Variants in UBAC2 observed in about 807,000 individuals in gnomAD.
The protein encoded by UBAC2 is ubiquitin-associated domain-containing protein 2.
In UBAC2, 26 loss-of-function variants were observed where a neutral mutation model predicts 44.0. That is an observed-to-expected ratio of 0.59 (90% CI 0.43 to 0.82). The LOEUF (loss-of-function observed/expected upper bound fraction) is 0.82. Ranked by LOEUF, UBAC2 falls within the 40% of genes least tolerant of loss-of-function variation. UBAC2 has a pLI of 0.00. For synonymous variants in UBAC2, 155 were observed against 154.3 expected (o/e 1.00, Z -0.04); for missense variants, 329 against 419.4 (o/e 0.78, Z 1.88).
At chr13:99,365,649 G>C (rs1224107840) in intron 7 of UBAC2, among the ~76,000 whole-genome samples, 2 of 151,650 alleles carry the variant, frequency 1.3e-5, no homozygotes, top group African/African-American at 2.4e-5. Context: ...TTATGATTTG[G>C]TATTTGTGAA....
chr13:99,383,117 A>G (rs1289928202), intron 8 of UBAC2, among the ~76,000 whole-genome samples: 1 of 152,232 alleles, frequency 6.6e-6, no homozygotes, highest in Non-Finnish European at 1.5e-5. Flanking sequence ...GCACTCAGCC[A>G]CAGCTGATGT....
intron 4 of UBAC2, among the ~76,000 whole-genome samples, chr13:99,294,105 T>A (rs1033725901): frequency 6.6e-6 from 1 of 152,152 alleles, no homozygotes; most frequent in Non-Finnish European, 1.5e-5. Context: ...AAGTTTGCAT[T>A]TTACTCGGAT....
At chr13:99,259,216 C>T (rs2043620038) in intron 4 of UBAC2, among the ~76,000 whole-genome samples, 1 of 152,030 alleles carries the variant, frequency 6.6e-6, no homozygotes, top group Admixed American at 6.6e-5. Context: ...AAAAAATTAT[C>T]TCTCATTTGC....
chr13:99,260,550 T>G lies in UBAC2; in HGVS notation c.389+15926T>G, dbSNP rs893748177. 4.6e-5 allele frequency among the ~76,000 whole-genome samples: 7 copies of G among 152,200 alleles called. No homozygotes were observed. In the South Asian group the frequency reaches 1.4e-3, roughly 31 times the overall value. On this transcript the variant is annotated intron_variant, in intron 4 of 8. Coordinates refer to ENST00000403766, the MANE Select transcript of UBAC2 (RefSeq NM_001144072.2). ...CTGCAACCCATGAGCCCTATAGCAT[T>G]GACCCCCGTTCGCTGTGCTCCTGGA... is the stretch of plus-strand genomic sequence containing the variant.
At chr13:99,339,501 A>G (rs2044851689) in intron 6 of UBAC2, among the ~76,000 whole-genome samples, 1 of 152,230 alleles carries the variant, frequency 6.6e-6, no homozygotes, top group Admixed American at 6.5e-5. Flanking sequence ...GGTGTGTAGC[A>G]CAGTCTCAAA....
chr13:99,255,498 C>G (rs757027038), intron 4 of UBAC2: 1 of 1,614,126 alleles, frequency 6.2e-7, no homozygotes, highest in Non-Finnish European at 8.5e-7. Context: ...CGTACTTCGG[C>G]TGTACAATGG....
intron 7 of UBAC2, among the ~76,000 whole-genome samples, chr13:99,352,997 C>T (rs1468909538): frequency 1.3e-5 from 2 of 152,230 alleles, no homozygotes; most frequent in African/African-American, 4.8e-5. Flanking sequence ...AGCAAGCTGG[C>T]ACGTGGCACC....
At chr13:99,284,747 C>T (rs1446060217) in intron 4 of UBAC2, among the ~76,000 whole-genome samples, 1 of 152,194 alleles carries the variant, frequency 6.6e-6, no homozygotes, top group Admixed American at 6.5e-5. Context: ...CGGACTGTTC[C>T]TCAGTCTGTC....
intron 4 of UBAC2, among the ~76,000 whole-genome samples, chr13:99,309,342 C>T (rs1317862203): frequency 1.3e-5 from 2 of 152,080 alleles, no homozygotes; most frequent in African/African-American, 4.8e-5. Context: ...ATCTCTTGAC[C>T]TCATGATCTG....
intron 6 of UBAC2, among the ~76,000 whole-genome samples, chr13:99,338,836 T>C (rs1274464055): frequency 1.3e-5 from 2 of 152,194 alleles, no homozygotes; most frequent in African/African-American, 4.8e-5. Context: ...TAGCTGACCA[T>C]CCCTATTTTA....
At chr13:99,311,150 A>C (rs570670063) in intron 4 of UBAC2, among the ~76,000 whole-genome samples, 1 of 152,358 alleles carries the variant, frequency 6.6e-6, no homozygotes, top group South Asian at 2.1e-4. Flanking sequence ...GTGGGAATAA[A>C]ACAAAACAGA....
intron 3 of UBAC2, among the ~76,000 whole-genome samples, chr13:99,244,234 T>A (rs2043353939): frequency 6.6e-6 from 1 of 152,198 alleles, no homozygotes; most frequent in African/African-American, 2.4e-5. Context: ...TTATTTTGCT[T>A]AGTGGTTTGT....
intron 4 of UBAC2, among the ~76,000 whole-genome samples, chr13:99,284,885 G>A (rs566817822): frequency 3.3e-5 from 5 of 152,184 alleles, no homozygotes; most frequent in Middle Eastern, 3.4e-3. Context: ...TGTAGTTTTC[G>A]TATTTCTCTT....
rs895179498 is a variant in UBAC2 at position 99,215,503 on chromosome 13, C to G, written c.31+14564C>G. ...TGCACGAATAGCAAGTTGCAAGTGA[C>G]GAGGGGTAATATACACTTTACCTTT... is the stretch of plus-strand genomic sequence containing the variant. On this transcript the variant is annotated intron_variant, in intron 1 of 8. Transcript: ENST00000403766. The G allele has an allele frequency of 1.2e-5, 18 of 1,466,104 alleles. 1 individual carries two copies. Among genetic ancestry groups the G allele is most frequent in the Non-Finnish European group, 1.4e-5 (15 of 1,047,844 alleles). The allele number at this position is 1,466,104 out of a possible 1,614,324, so 90.8% of individuals were successfully genotyped here. A position where few individuals can be genotyped will look rare whatever the true frequency, so the allele number is the denominator to read the frequency against.
chr13:99,345,741 CTTT>C (rs766632532), intron 7 of UBAC2, among the ~76,000 whole-genome samples: 9 of 130,910 alleles, frequency 6.9e-5, no homozygotes, highest in Non-Finnish European at 9.9e-5. Flanking sequence ...TTTTTTCTTT[CTTT>C]TTTTTTTTTT....
At chr13:99,226,518 C>A (rs958895555) in intron 1 of UBAC2, among the ~76,000 whole-genome samples, 1 of 152,124 alleles carries the variant, frequency 6.6e-6, no homozygotes, top group Non-Finnish European at 1.5e-5. Context: ...ACTGTAATTT[C>A]TTCTCAATTT....
rs144392553 is a variant in UBAC2 at position 99,356,467 on chromosome 13, A to G, written c.808-11320A>G. On this transcript the variant is annotated intron_variant, in intron 7 of 8. Transcript: ENST00000403766. ...TATTGTGTCTCCTGATCGTATTGCC[A>G]TGGAAACTGCCTTCTGTTCTGCCTA... Among the ~76,000 whole-genome samples, 3 of 152,372 alleles carry G rather than the reference A, an allele frequency of 2.0e-5. No homozygotes were observed. The East Asian group carries it at 5.8e-4, about 29-fold the overall frequency.
intron 4 of UBAC2, among the ~76,000 whole-genome samples, chr13:99,305,487 C>T (rs1247613732): frequency 2.6e-5 from 4 of 152,160 alleles, no homozygotes; most frequent in African/African-American, 9.7e-5. Flanking sequence ...TAAATGTAAG[C>T]TTCTTGAGGA....
chr13:99,238,398 T>C (rs1218230457), intron 1 of UBAC2, 29 bp from the exon 2 acceptor site: 8 of 1,608,636 alleles, frequency 5.0e-6, no homozygotes, highest in Non-Finnish European at 6.8e-6. Flanking sequence ...GAACAATCAT[T>C]CTGAAAGTGC....
Sources: allele counts gnomAD v4.1 joint callset (sites outside exome capture counted in the v4.1 genomes callset), GRCh38; gene constraint gnomAD v4.1.1; transcripts MANE v1.5; gene names NCBI Gene and HGNC (gene_info 2026-07-23, HGNC 2026-07-21).